The following TNKS2 variants were observed in gnomAD, a reference collection of about 807,000 sequenced individuals.
TNKS2 encodes poly [ADP-ribose] polymerase tankyrase-2.
In TNKS2, 72 loss-of-function variants were observed where a neutral mutation model predicts 137.6. That is an observed-to-expected ratio of 0.52 (90% CI 0.43 to 0.64). The LOEUF (loss-of-function observed/expected upper bound fraction) is 0.64, where lower values mean the gene tolerates loss of function less well. TNKS2 is among the 30% of genes least tolerant of loss of function. TNKS2 has a pLI of 0.00. For missense variants in TNKS2, 1,049 were observed against 1,410.2 expected (o/e 0.74, Z 4.10); for synonymous variants, 516 against 512.1 (o/e 1.01, Z -0.10).
chr10:91,798,522 C>A lies in TNKS2; in HGVS notation c.-169C>A. 2.6e-6 allele frequency: 2 copies of A among 759,336 alleles called. No individual in the cohort carries two copies. Among genetic ancestry groups the A allele is most frequent in the Non-Finnish European group, 3.5e-6 (2 of 571,208 alleles). The allele number at this position is 759,336 out of a possible 1,614,324, so 47.0% of individuals were successfully genotyped here. ...GGGGGGCAGGGAGCCCAGCGAGGGG[C>A]GCGCGTGGGCGCGGCCATGGGACTG... On this transcript the variant is annotated 5_prime_UTR_variant, in exon 1 of 27. Coordinates refer to ENST00000371627, the MANE Select transcript of TNKS2 (RefSeq NM_025235.4).
Position 91,855,029 on chromosome 10 carries a change from G to A in TNKS2, c.2816G>A (p.Gly939Asp), listed in dbSNP as rs1842662193. The A allele has an allele frequency of 6.3e-7, 1 of 1,575,444 alleles. No homozygotes were observed. The highest frequency in any genetic ancestry group is 1.3e-5 in the African/African-American group (1 of 74,110). Residue 939 changes from glycine (G) to aspartate (D), a missense_variant and splice_region_variant, in exon 22 of 27, where the codon GGT becomes GAT. Gly to Asp is a moderately conservative substitution (Grantham distance 94, BLOSUM62 -1). Coordinates refer to ENST00000371627, the MANE Select transcript of TNKS2 (RefSeq NM_025235.4). ...TCTACCTTCAAATTTTGTTTCATAG[G>A]TCTTAACCCATATTTAACTTTGAAC... ...GVERLISGQQ[G>D]LNPYLTLNTS...
intron 18 of TNKS2, among the ~76,000 whole-genome samples, chr10:91,847,556 T>C (rs975831224): frequency 1.5e-5 from 2 of 132,018 alleles, no homozygotes; most frequent in Admixed American, 7.8e-5. Flanking sequence ...TCAGTAGAAA[T>C]GGGGTTTCAC....
chr10:91,857,547 C>T lies in TNKS2; in HGVS notation c.3094+17C>T. On this transcript the variant is annotated intron_variant, in intron 24 of 26. Transcript: ENST00000371627. ...TATTTCATGGTAAGATTCCTCCCCA[C>T]CAACTCTACCACTGTCTTCCACATT... 1 of 1,540,396 alleles carries T rather than the reference C, an allele frequency of 6.5e-7. No homozygotes were observed. The highest frequency in any genetic ancestry group is 9.0e-7 in the Non-Finnish European group (1 of 1,115,758).
At chr10:91,834,095 T>C (rs1408915088) in intron 12 of TNKS2, 71 bp downstream of exon 12, 30 of 1,281,128 alleles carry the variant, frequency 2.3e-5, no homozygotes, top group Non-Finnish European at 3.0e-5. Flanking sequence ...TCAGGTATTA[T>C]AGGTAGGAGT....
chr10:91,829,201 A>G (rs989939965), intron 9 of TNKS2, among the ~76,000 whole-genome samples: 1 of 152,136 alleles, frequency 6.6e-6, no homozygotes, highest in Non-Finnish European at 1.5e-5. Context: ...CTTATGCCAT[A>G]ATGTAAACTA....
At chr10:91,860,201 G>A (rs1229050358) in intron 25 of TNKS2, among the ~76,000 whole-genome samples, 1 of 151,850 alleles carries the variant, frequency 6.6e-6, no homozygotes, top group Non-Finnish European at 1.5e-5. Flanking sequence ...TAACTCACTT[G>A]TTAAAAATCA....
chr10:91,843,595 A>G lies in TNKS2; in HGVS notation c.2059+1204A>G, dbSNP rs141438747. The stretch of plus-strand genomic sequence containing the variant: ...ACAGTGTACCTTTGTTTTCAGTGCA[A>G]ATATACAATATATTGTGGTTTCAGT... On this transcript the variant is annotated intron_variant, in intron 16 of 26. Coordinates refer to ENST00000371627, the MANE Select transcript of TNKS2 (RefSeq NM_025235.4). 4.2e-3 allele frequency among the ~76,000 whole-genome samples: 632 copies of G among 152,266 alleles called. 6 individuals carry two copies. The highest frequency in any genetic ancestry group is 0.015 in the African/African-American group (605 of 41,542).
chr10:91,832,485 T>TA lies in TNKS2; in HGVS notation c.1275+1306dup, dbSNP rs34097286. Among the ~76,000 whole-genome samples the TA allele has an allele frequency of 3.8e-3, 575 of 149,926 alleles. 1 individual carries two copies. Among genetic ancestry groups the TA allele is most frequent in the African/African-American group, 0.013 (532 of 40,374 alleles). On this transcript the variant is annotated intron_variant, in intron 11 of 26. Transcript: ENST00000371627. ...GGTACCCAAATAGTTTTTTTTTTTT[T>TA]AAGTGGGTATTTTTCACATTTCAGC...
At chr10:91,824,896 A>T (rs1054457291) in intron 7 of TNKS2, among the ~76,000 whole-genome samples, 1 of 152,214 alleles carries the variant, frequency 6.6e-6, no homozygotes, top group African/African-American at 2.4e-5. Context: ...AAACAATAAT[A>T]CAGAGTTTTT....
chr10:91,839,158 G>C (rs1022570702), intron 13 of TNKS2, among the ~76,000 whole-genome samples: 1 of 151,972 alleles, frequency 6.6e-6, no homozygotes, highest in Non-Finnish European at 1.5e-5. Context: ...GAGCCACCGT[G>C]CCCGGCCTAA....
intron 12 of TNKS2, among the ~76,000 whole-genome samples, chr10:91,834,429 T>G (rs934228879): frequency 6.6e-6 from 1 of 152,220 alleles, no homozygotes; most frequent in Non-Finnish European, 1.5e-5. Flanking sequence ...ACACTCATAT[T>G]CATTACGTCT....
intron 4 of TNKS2, 74 bp from the exon 5 acceptor site, chr10:91,819,408 T>C: frequency 7.0e-7 from 1 of 1,428,586 alleles, no homozygotes; most frequent in Non-Finnish European, 9.4e-7. Flanking sequence ...AATTTTTTTT[T>C]AATGGTTACA....
At chr10:91,804,487 G>A (rs1844264570) in intron 1 of TNKS2, among the ~76,000 whole-genome samples, 1 of 152,178 alleles carries the variant, frequency 6.6e-6, no homozygotes, top group South Asian at 2.1e-4. Context: ...ATAAACTACA[G>A]TGTGTCCTGA....
intron 19 of TNKS2, among the ~76,000 whole-genome samples, 193 bp downstream of exon 19, chr10:91,848,828 A>T (rs570881410): frequency 6.6e-6 from 1 of 152,068 alleles, no homozygotes; most frequent in Admixed American, 6.6e-5. Flanking sequence ...TTGTGCTACT[A>T]ACCTACTATT....
chr10:91,799,320 C>G (rs529738620), intron 1 of TNKS2, among the ~76,000 whole-genome samples: 2 of 152,216 alleles, frequency 1.3e-5, no homozygotes, highest in African/African-American at 4.8e-5. Context: ...TCTTGAAGGA[C>G]TTTGTAAAAT....
chr10:91,842,323 T>G lies in TNKS2; in HGVS notation c.1991T>G (p.Leu664Trp). ...GGTTGTTTAGCCAGAGTGAAGAAGTTGTCTTCTCCTGATAATGTAAATTGC... is the reference window on the plus strand; with the variant it reads ...GGTTGTTTAGCCAGAGTGAAGAAGTGGTCTTCTCCTGATAATGTAAATTGC... ...KKGCLARVKK[L>W]SSPDNVNCRD... The change falls in exon 16 of 27, where the codon TTG becomes TGG. Residue 664 changes from leucine to tryptophan, a missense_variant. By Grantham distance (61) the Leu-to-Trp change is moderately conservative. Coordinates refer to ENST00000371627, the MANE Select transcript of TNKS2 (RefSeq NM_025235.4). 1.2e-6 allele frequency: 2 copies of G among 1,614,154 alleles called. No individual in the cohort carries two copies. The highest frequency in any genetic ancestry group is 1.7e-6 in the Non-Finnish European group (2 of 1,179,998).
In TNKS2 at chr10:91,798,638, G is replaced by C. The variant is rs1053583942; in HGVS notation, c.-53G>C. 8.2e-7 allele frequency: 1 copy of C among 1,212,592 alleles called. No individual in the cohort carries two copies. Among genetic ancestry groups the C allele is most frequent in the Non-Finnish European group, 1.0e-6 (1 of 975,348 alleles). 75.1% of individuals were successfully genotyped at this position (1,212,592 alleles called of 1,614,324 possible). ...CTCGCCCTCCTGCTCGCGGGGCCGGGGCTCCTGCTCCGGTTGCTGGCGCTG... is the reference window on the plus strand; with the variant it reads ...CTCGCCCTCCTGCTCGCGGGGCCGGCGCTCCTGCTCCGGTTGCTGGCGCTG... On this transcript the variant is annotated 5_prime_UTR_variant, in exon 1 of 27. Transcript: ENST00000371627.
At chr10:91,840,492 T>A in intron 13 of TNKS2, 69 bp from the exon 14 acceptor site, 1 of 1,409,980 alleles carries the variant, frequency 7.1e-7, no homozygotes, top group Non-Finnish European at 9.7e-7. Context: ...AAATTCCTAC[T>A]AAATGACTTG....
intron 1 of TNKS2, among the ~76,000 whole-genome samples, chr10:91,811,246 T>TC (rs753128215): frequency 1.3e-5 from 2 of 151,610 alleles, no homozygotes; most frequent in Non-Finnish European, 2.9e-5. Context: ...CTTTCATACC[T>TC]CCATGTCTGT....
Sources: gnomAD v4.1 joint callset for allele counts (sites outside exome capture counted in the v4.1 genomes callset) on GRCh38, gnomAD v4.1.1 for gene constraint, MANE v1.5 for transcripts, NCBI Gene and HGNC (gene_info 2026-07-23, HGNC 2026-07-21) for gene names.